LINGO2: variants seen among roughly 807,000 people sequenced by gnomAD.
LINGO2 encodes the protein leucine rich repeat and Ig domain containing 2, also known as leucine-rich repeat and immunoglobulin-like domain-containing nogo receptor-interacting protein 2.
A neutral mutation model predicts 30.6 loss-of-function variants in LINGO2; 14 were observed. The ratio of observed to expected loss-of-function variants is 0.46; its 90% CI spans 0.30 to 0.72. LINGO2 has a LOEUF of 0.72. Ranked by LOEUF, LINGO2 falls within the 30% of genes least tolerant of loss-of-function variation. The probability of loss-of-function intolerance (pLI) is 0.07; values close to 1 mark genes in which losing one functional copy is unlikely to be tolerated. For missense variants in LINGO2, 729 were observed against 751.7 expected (o/e 0.97, Z 0.35); for synonymous variants, 317 against 288.5 (o/e 1.10, Z -1.00).
At chr9:28,214,830 C>T (rs901146097) in intron 4 of LINGO2, among the ~76,000 whole-genome samples, 1 of 151,582 alleles carries the variant, frequency 6.6e-6, no homozygotes, top group Non-Finnish European at 1.5e-5. Flanking sequence ...ATACTAATCA[C>T]AGAATGGAAA....
intron 3 of LINGO2, among the ~76,000 whole-genome samples, chr9:28,310,492 T>G (rs1382645520): frequency 6.6e-6 from 1 of 152,118 alleles, no homozygotes; most frequent in Non-Finnish European, 1.5e-5. Context: ...TATAAAACAG[T>G]AGAAAATACA....
chr9:29,192,807 T>C, the LINGO2 span, among the ~76,000 whole-genome samples: 1 of 152,200 alleles, frequency 6.6e-6, no homozygotes, highest in Non-Finnish European at 1.5e-5. Flanking sequence ...AGTCAGGGCA[T>C]AGTCCCATGG....
intron 4 of LINGO2, among the ~76,000 whole-genome samples, chr9:28,099,924 G>C (rs1826360793): frequency 6.6e-6 from 1 of 152,054 alleles, no homozygotes; most frequent in African/African-American, 2.4e-5. Context: ...GTTGATTGCT[G>C]CACATTTTAC....
the LINGO2 span, among the ~76,000 whole-genome samples, chr9:28,798,756 T>G: frequency 3.3e-5 from 5 of 152,106 alleles, no homozygotes; most frequent in Middle Eastern, 3.2e-3. Flanking sequence ...TCATCAGGTT[T>G]GTTCGCTTGC....
At chr9:28,489,172 T>C (rs1355864460) in intron 1 of LINGO2, among the ~76,000 whole-genome samples, 1 of 152,174 alleles carries the variant, frequency 6.6e-6, no homozygotes, top group Non-Finnish European at 1.5e-5. Context: ...GCAATATTTA[T>C]AAATGATCAT....
chr9:28,753,785 C>T, the LINGO2 span, among the ~76,000 whole-genome samples: 184 of 152,014 alleles, frequency 1.2e-3, 2 homozygotes, highest in African/African-American at 4.2e-3. Flanking sequence ...CCTCTCTATG[C>T]CCTGGCATAT....
At chr9:28,056,295 C>A (rs1272593165) in intron 4 of LINGO2, among the ~76,000 whole-genome samples, 1 of 152,076 alleles carries the variant, frequency 6.6e-6, no homozygotes, top group East Asian at 1.9e-4. Flanking sequence ...GTGGCAGACT[C>A]AATTTGTCAG....
chr9:28,747,402 C>T, the LINGO2 span, among the ~76,000 whole-genome samples: 3 of 151,996 alleles, frequency 2.0e-5, no homozygotes, highest in Admixed American at 6.6e-5. Flanking sequence ...AATTCAAGTC[C>T]GTGCATGACC....
chr9:27,989,892 C>T (rs1821309562), intron 5 of LINGO2, among the ~76,000 whole-genome samples: 1 of 151,940 alleles, frequency 6.6e-6, no homozygotes, highest in South Asian at 2.1e-4. Context: ...TCCCCTAAAA[C>T]TGTTGTTCTA....
the LINGO2 span, chr9:27,939,606 C>T: frequency 6.6e-6 from 1 of 152,236 alleles, no homozygotes; most frequent in Non-Finnish European, 1.5e-5. Context: ...CTTAAAGAAA[C>T]TCTGGATGCC....
At chr9:28,076,254 T>G (rs1387016089) in intron 4 of LINGO2, among the ~76,000 whole-genome samples, 2 of 152,164 alleles carry the variant, frequency 1.3e-5, no homozygotes, top group African/African-American at 4.8e-5. Context: ...GTTGATCTTT[T>G]TGTTTCTCAT....
the LINGO2 span, among the ~76,000 whole-genome samples, chr9:29,207,781 G>A: frequency 3.9e-5 from 6 of 151,964 alleles, no homozygotes; most frequent in Admixed American, 1.3e-4. Context: ...AGTAAAGACA[G>A]GCTATTCTTG....
intron 4 of LINGO2, among the ~76,000 whole-genome samples, chr9:28,291,129 T>G (rs7851454): frequency 0.049 from 7,406 of 152,266 alleles, 551 homozygotes; most frequent in African/African-American, 0.17. Context: ...CCAGCTTACC[T>G]ATAGATATTT....
chr9:28,767,394 C>T, the LINGO2 span, among the ~76,000 whole-genome samples: 1 of 152,072 alleles, frequency 6.6e-6, no homozygotes, highest in Admixed American at 6.5e-5. Flanking sequence ...AAATGCTGCC[C>T]TGACATTTAT....
chr9:29,076,326 T>A, the LINGO2 span, among the ~76,000 whole-genome samples: 3 of 151,904 alleles, frequency 2.0e-5, no homozygotes, highest in Admixed American at 6.6e-5. Flanking sequence ...AGAGCACACT[T>A]GAAAAATCCT....
chr9:28,068,403 T>C (rs974924389), intron 4 of LINGO2, among the ~76,000 whole-genome samples: 2 of 152,118 alleles, frequency 1.3e-5, no homozygotes, highest in Admixed American at 6.6e-5. Context: ...TCTGGAGTTT[T>C]ATTTTTATAG....
At chr9:28,787,026 G>C in the LINGO2 span, among the ~76,000 whole-genome samples, 1 of 152,132 alleles carries the variant, frequency 6.6e-6, no homozygotes, top group Non-Finnish European at 1.5e-5. Context: ...AGAAAAGCTA[G>C]TTCTAGGGGT....
intron 1 of LINGO2, among the ~76,000 whole-genome samples, chr9:28,584,933 A>ATTT (rs1046279252): frequency 2.2e-4 from 3 of 13,948 alleles, no homozygotes; most frequent in African/African-American, 4.7e-4. Context: ...ACTGCAAGAG[A>ATTT]TTTTTTTTTT....
chr9:27,983,639 A>G (rs2118940141), intron 5 of LINGO2, among the ~76,000 whole-genome samples: 1 of 152,020 alleles, frequency 6.6e-6, no homozygotes, highest in South Asian at 2.1e-4. Flanking sequence ...AAAAGAAAGC[A>G]AATAAAGAAT....
Sources: gnomAD v4.1 joint callset for allele counts (sites outside exome capture counted in the v4.1 genomes callset) on GRCh38, gnomAD v4.1.1 for gene constraint, MANE v1.5 for transcripts, NCBI Gene and HGNC (gene_info 2026-07-23, HGNC 2026-07-21) for gene names.